DYNC2H1: variants seen among roughly 807,000 people sequenced by gnomAD.
The protein encoded by DYNC2H1 is cytoplasmic dynein 2 heavy chain 1.
DYNC2H1 carries 410 observed loss-of-function variants against 570.0 expected under a neutral mutation model. That is an observed-to-expected ratio of 0.72 (90% CI 0.66 to 0.78). DYNC2H1 has a LOEUF of 0.78. Among genes scored for constraint, DYNC2H1 ranks in the 30% least tolerant of loss-of-function variants. DYNC2H1 has a pLI of 0.00. For missense variants in DYNC2H1, 4,865 were observed against 5,046.4 expected (o/e 0.96, Z 1.09); for synonymous variants, 1,688 against 1,677.6 (o/e 1.01, Z -0.15).
At chr11:103,354,385 G>A (rs1012580536) in intron 82 of DYNC2H1, among the ~76,000 whole-genome samples, 2 of 151,388 alleles carry the variant, frequency 1.3e-5, no homozygotes, top group African/African-American at 4.9e-5. Context: ...AAATTTTAAT[G>A]TGCCATCCTT....
intron 84 of DYNC2H1, among the ~76,000 whole-genome samples, chr11:103,429,125 G>A (rs1943794364): frequency 6.6e-6 from 1 of 151,990 alleles, no homozygotes; most frequent in Non-Finnish European, 1.5e-5. Context: ...GCCAGGTATG[G>A]TGGTGGGTGC....
rs867674143 is a variant in DYNC2H1 at position 103,472,095 on chromosome 11, G to C, written c.12765+3390G>C. 6.6e-6 allele frequency among the ~76,000 whole-genome samples: 1 copy of C among 152,198 alleles called. No homozygotes were observed. The highest frequency in any genetic ancestry group is 2.4e-5 in the African/African-American group (1 of 41,450). ...GGATATTCTGGGAACAGCAAGTATT[G>C]TACATCTGGAGGGTATAGTTCATAT... On this transcript the variant is annotated intron_variant, in intron 88 of 88. Transcript: ENST00000375735. This position sits in a 1 kb window ranked among gnomAD's most constrained non-coding sequence, Gnocchi z 4.1.
At chr11:103,347,153 T>C (rs1939783465) in intron 82 of DYNC2H1, among the ~76,000 whole-genome samples, 1 of 152,192 alleles carries the variant, frequency 6.6e-6, no homozygotes, top group Non-Finnish European at 1.5e-5. Flanking sequence ...ATGACAACAC[T>C]GGAACCAGAA....
At chr11:103,477,395 ATAAT>A (rs1286096617) in intron 88 of DYNC2H1, among the ~76,000 whole-genome samples, 1 of 152,220 alleles carries the variant, frequency 6.6e-6, no homozygotes, top group African/African-American at 2.4e-5. Context: ...CTGCAAAGTA[ATAAT>A]TAATTGAATA....
chr11:103,269,347 A>G (rs1057381712), intron 70 of DYNC2H1, among the ~76,000 whole-genome samples: 6 of 152,188 alleles, frequency 3.9e-5, no homozygotes, highest in African/African-American at 1.2e-4. Flanking sequence ...ATTTATCACT[A>G]TAACCTTACT....
chr11:103,412,845 G>A (rs910481375), intron 84 of DYNC2H1, among the ~76,000 whole-genome samples: 1 of 152,154 alleles, frequency 6.6e-6, no homozygotes, highest in Admixed American at 6.6e-5. Flanking sequence ...TGAGATGTAT[G>A]AAGTTAATAT....
At chr11:103,348,973 C>A (rs1018620904) in intron 82 of DYNC2H1, among the ~76,000 whole-genome samples, 1 of 152,170 alleles carries the variant, frequency 6.6e-6, no homozygotes, top group East Asian at 1.9e-4. Context: ...TTTGCTTCCC[C>A]TTCCACCATG....
chr11:103,175,468 C>G (rs1861762497), intron 36 of DYNC2H1, among the ~76,000 whole-genome samples: 1 of 152,100 alleles, frequency 6.6e-6, no homozygotes, highest in African/African-American at 2.4e-5. Flanking sequence ...TTGAAATAAG[C>G]TTTAGAGAAG....
intron 80 of DYNC2H1, 23 bp from the exon 81 acceptor site, chr11:103,321,006 T>C: frequency 6.5e-7 from 1 of 1,543,430 alleles, no homozygotes. Context: ...ATGAAATTAA[T>C]GAGTGTTTTT....
rs762976355 is a variant in DYNC2H1 at position 103,223,121 on chromosome 11, T to C, written c.9353+35T>C. On this transcript the variant is annotated intron_variant, in intron 59 of 88. Transcript: ENST00000375735. Reference sequence around the variant, plus strand: ...ATATAAAATATAAACAATTCTAACCTTTATTTTCATCAGTTTGATGAGGTT... The same window carrying C: ...ATATAAAATATAAACAATTCTAACCCTTATTTTCATCAGTTTGATGAGGTT... 18 of 1,526,230 alleles carry C rather than the reference T, an allele frequency of 1.2e-5. No homozygotes were observed. The East Asian group carries it at 4.5e-4, about 38-fold the overall frequency. 94.5% of individuals were successfully genotyped at this position (1,526,230 alleles called of 1,614,324 possible). A position where few individuals can be genotyped will look rare whatever the true frequency, so the allele number is the denominator to read the frequency against.
At chr11:103,188,290 T>C (rs1862156711) in intron 43 of DYNC2H1, among the ~76,000 whole-genome samples, 1 of 152,038 alleles carries the variant, frequency 6.6e-6, no homozygotes, top group Non-Finnish European at 1.5e-5. Context: ...AGTAGGATAA[T>C]TTAGCTAACA....
intron 84 of DYNC2H1, among the ~76,000 whole-genome samples, chr11:103,429,174 T>C (rs1306034123): frequency 1.3e-5 from 2 of 151,786 alleles, no homozygotes; most frequent in East Asian, 3.9e-4. Flanking sequence ...GGTAGGAGGA[T>C]CACCTGAGCC....
intron 17 of DYNC2H1, among the ~76,000 whole-genome samples, chr11:103,138,584 G>C (rs1470271051): frequency 6.6e-6 from 1 of 152,192 alleles, no homozygotes; most frequent in Admixed American, 6.5e-5. Flanking sequence ...TGGTGGATAA[G>C]CTTTTTGATG....
At chr11:103,358,130 A>C (rs1836744713) in intron 82 of DYNC2H1, 113 bp from the exon 83 acceptor site, 2 of 584,436 alleles carry the variant, frequency 3.4e-6, no homozygotes, top group Non-Finnish European at 5.9e-6. Flanking sequence ...TGTTGACAAC[A>C]TTTTTGGTCT....
At chr11:103,166,193 G>A (rs1358664985) in intron 31 of DYNC2H1, 145 bp downstream of exon 31, 1 of 576,262 alleles carries the variant, frequency 1.7e-6, no homozygotes, top group African/African-American at 2.0e-5. Context: ...TTTTTATAAT[G>A]TACTTTGAAT....
intron 83 of DYNC2H1, among the ~76,000 whole-genome samples, chr11:103,394,799 A>G (rs963572093): frequency 2.6e-5 from 4 of 152,178 alleles, no homozygotes; most frequent in African/African-American, 9.6e-5. Flanking sequence ...CCCCTGAGGT[A>G]TGACTATAGT....
At position 103,133,472 on chromosome 11, in the gene DYNC2H1, A is replaced by G. The variant is rs1276806196; in HGVS notation, c.1954-83A>G. 2 of 1,310,004 alleles carry G rather than the reference A, an allele frequency of 1.5e-6. No homozygotes were observed. The highest frequency in any genetic ancestry group is 3.1e-5 in the African/African-American group (2 of 65,572). The allele number at this position is 1,310,004 out of a possible 1,614,324, so 81.1% of individuals were successfully genotyped here. ...TTTGTTGCAGGTCAGAGTTGGGGAT[A>G]GTTGAACTTTTGATATAGAATATTG... On this transcript the variant is annotated intron_variant, in intron 13 of 88. Coordinates refer to ENST00000375735, the MANE Select transcript of DYNC2H1 (RefSeq NM_001377.3). The surrounding 1 kb of genome is among the most constrained non-coding windows in gnomAD (Gnocchi z 4.8).
intron 83 of DYNC2H1, among the ~76,000 whole-genome samples, chr11:103,385,650 CT>C (rs1941840730): frequency 1.3e-5 from 2 of 152,152 alleles, no homozygotes; most frequent in South Asian, 4.1e-4. Flanking sequence ...GCATTATCTC[CT>C]TAAATATTTA....
rs375919500 is a variant in DYNC2H1, at chr11:103,189,939, T to C, written c.7437+123T>C. ...TTTCCTGTTTATTAGACTTTTCTAG[T>C]AGAGAGTAACTGTGAAGACAGGTGC... On this transcript the variant is annotated intron_variant, in intron 45 of 88. Coordinates refer to ENST00000375735, the MANE Select transcript of DYNC2H1 (RefSeq NM_001377.3). This position sits in a 1 kb window ranked among gnomAD's most constrained non-coding sequence, Gnocchi z 4.3. 12 of 1,020,870 alleles carry C rather than the reference T, an allele frequency of 1.2e-5. No individual in the cohort carries two copies. The Admixed American group carries it at 2.0e-4, about 17-fold the overall frequency. The allele number at this position is 1,020,870 out of a possible 1,614,324, so 63.2% of individuals were successfully genotyped here.
Sources: gnomAD v4.1 joint callset for allele counts (sites outside exome capture counted in the v4.1 genomes callset) on GRCh38, gnomAD v4.1.1 for gene constraint, Gnocchi (gnomAD v3.1) non-coding constraint, MANE v1.5 for transcripts, NCBI Gene and HGNC (gene_info 2026-07-23, HGNC 2026-07-21) for gene names.